The following LAMA2 variants were observed in gnomAD, a reference collection of about 807,000 sequenced individuals.
The protein encoded by LAMA2 is laminin subunit alpha 2.
In LAMA2, 269 loss-of-function variants were observed where a neutral mutation model predicts 364.8. The ratio of observed to expected loss-of-function variants is 0.74; its 90% CI spans 0.67 to 0.82. The LOEUF is 0.82. Among genes scored for constraint, LAMA2 ranks in the 40% least tolerant of loss-of-function variants. The probability of loss-of-function intolerance (pLI) is 0.00; values close to 1 mark genes in which losing one functional copy is unlikely to be tolerated. For synonymous variants in LAMA2, 1,379 were observed against 1,370.6 expected, an observed-to-expected ratio of 1.01 and a Z score of -0.14; for missense variants, 3,807 against 3,873.2, an observed-to-expected ratio of 0.98 and a Z score of 0.45.
intron 41 of LAMA2, among the ~76,000 whole-genome samples, chr6:129,429,105 T>A (rs1162389717): frequency 1.3e-5 from 2 of 152,240 alleles, no homozygotes; most frequent in East Asian, 3.8e-4. Context: ...AACTGCTTTC[T>A]TCCAGACCTT....
At chr6:128,883,445 G>T in intron 1 of LAMA2, 88 bp downstream of exon 1, 6 of 1,537,210 alleles carry the variant, frequency 3.9e-6, no homozygotes, top group Non-Finnish European at 5.2e-6. Context: ...TGCTGTCTGT[G>T]GACTGCCGTC....
At chr6:129,088,220 A>G (rs1774519253) in intron 3 of LAMA2, among the ~76,000 whole-genome samples, 1 of 151,696 alleles carries the variant, frequency 6.6e-6, no homozygotes, top group South Asian at 2.1e-4. Flanking sequence ...GAGTAAGGTC[A>G]TAGATCAACA....
intron 1 of LAMA2, among the ~76,000 whole-genome samples, chr6:128,960,177 C>G (rs554807567): frequency 7.2e-5 from 11 of 151,784 alleles, no homozygotes; most frequent in African/African-American, 2.4e-5. Flanking sequence ...TTTTTTGACC[C>G]GGGAAATTCA....
intron 28 of LAMA2, 30 bp downstream of exon 28, chr6:129,320,685 C>G: frequency 8.4e-7 from 1 of 1,184,496 alleles, no homozygotes; most frequent in Non-Finnish European, 1.3e-6. Context: ...CCTGCTTAAT[C>G]TCAAGTCACT....
At chr6:129,326,420 C>A (rs530036770) in intron 28 of LAMA2, among the ~76,000 whole-genome samples, 4 of 152,020 alleles carry the variant, frequency 2.6e-5, no homozygotes, top group Non-Finnish European at 5.9e-5. Flanking sequence ...CCTTAGGGCT[C>A]GCCTTCACAT....
intron 3 of LAMA2, among the ~76,000 whole-genome samples, chr6:129,066,042 T>G (rs138779758): frequency 0.015 from 497 of 34,002 alleles, 79 homozygotes; most frequent in South Asian, 0.033. Flanking sequence ...TCTCAGGTTT[T>G]TTTTTTTTTT....
intron 29 of LAMA2, among the ~76,000 whole-genome samples, chr6:129,335,933 C>T (rs899128334): frequency 2.0e-5 from 3 of 152,066 alleles, no homozygotes; most frequent in Non-Finnish European, 2.9e-5. Flanking sequence ...ATCTTAGAGT[C>T]GGGACAGAAT....
chr6:129,469,389 C>T (rs1317586557), intron 51 of LAMA2, among the ~76,000 whole-genome samples: 5 of 151,768 alleles, frequency 3.3e-5, no homozygotes, highest in African/African-American at 1.2e-4. Flanking sequence ...AGAATAAATC[C>T]ACCATGTGAT....
intron 4 of LAMA2, among the ~76,000 whole-genome samples, chr6:129,140,975 G>A (rs1678119030): frequency 6.6e-6 from 1 of 151,936 alleles, no homozygotes; most frequent in Admixed American, 6.6e-5. Context: ...TTCCAAAAAG[G>A]TCCTTTGTAT....
intron 1 of LAMA2, among the ~76,000 whole-genome samples, chr6:128,884,059 GC>G (rs1373357645): frequency 7.9e-5 from 12 of 151,902 alleles, no homozygotes; most frequent in African/African-American, 2.9e-4. Flanking sequence ...GTACTTTAAG[GC>G]CACAGTGACT....
At chr6:129,128,888 G>A (rs6569583) in intron 4 of LAMA2, among the ~76,000 whole-genome samples, 46,890 of 152,056 alleles carry the variant, frequency 0.31, 9,747 homozygotes, top group African/African-American at 0.6. Flanking sequence ...TTAGTCTTAA[G>A]TGAAATACAA....
chr6:129,014,316 C>A (rs193028945), intron 1 of LAMA2, among the ~76,000 whole-genome samples: 163 of 152,270 alleles, frequency 1.1e-3, no homozygotes, highest in Non-Finnish European at 2.0e-3. Context: ...GAAAAGCTGG[C>A]AAAACCTAGA....
rs530961482 is a variant in LAMA2 at position 129,129,939 on chromosome 6, A to AC, written c.640-13962_640-13961insC. On this transcript the variant is annotated intron_variant, in intron 4 of 64. Coordinates refer to ENST00000421865, the MANE Select transcript of LAMA2 (RefSeq NM_000426.4). ...ATTCCGTCTCAAAAAAAAAAAAAAA[A>AC]AAAATAACATATTTTAGAGACTCAG... is the stretch of plus-strand genomic sequence containing the variant. Among the ~76,000 whole-genome samples the AC allele has an allele frequency of 3.0e-3, 443 of 148,962 alleles. 5 individuals carry two copies. Among genetic ancestry groups the AC allele is most frequent in the Non-Finnish European group, 3.5e-3 (235 of 67,932 alleles).
chr6:129,506,081 G>A (rs562474186), intron 61 of LAMA2, among the ~76,000 whole-genome samples: 2 of 152,186 alleles, frequency 1.3e-5, no homozygotes, highest in African/African-American at 4.8e-5. Flanking sequence ...GGTTGGGCAT[G>A]GTGGCTCACA....
chr6:129,197,430 G>A (rs961570104), intron 12 of LAMA2, among the ~76,000 whole-genome samples: 4 of 152,104 alleles, frequency 2.6e-5, no homozygotes, highest in South Asian at 2.1e-4. Context: ...TTACTCTTTC[G>A]ACCAATTGCC....
intron 1 of LAMA2, among the ~76,000 whole-genome samples, chr6:128,957,124 A>G (rs1781202840): frequency 6.6e-6 from 1 of 152,148 alleles, no homozygotes; most frequent in Non-Finnish European, 1.5e-5. Context: ...TATCAAATTA[A>G]GAATGTTTTT....
intron 35 of LAMA2, among the ~76,000 whole-genome samples, chr6:129,388,274 A>C (rs976695377): frequency 6.6e-6 from 1 of 151,800 alleles, no homozygotes; most frequent in Admixed American, 6.6e-5. Flanking sequence ...AAAAACAAAA[A>C]CAAACAAACA....
intron 3 of LAMA2, among the ~76,000 whole-genome samples, chr6:129,083,834 G>A (rs774746232): frequency 1.3e-5 from 2 of 152,138 alleles, no homozygotes; most frequent in African/African-American, 2.4e-5. Flanking sequence ...TATTTAACGA[G>A]GCTTAATATG....
At chr6:128,883,386 A>C (rs1174580711) in intron 1 of LAMA2, 29 bp downstream of exon 1, 1 of 1,563,750 alleles carries the variant, frequency 6.4e-7, no homozygotes, top group Non-Finnish European at 8.7e-7. Context: ...CTTGGGTTGC[A>C]TCCTTTGCCG....
Sources: allele counts gnomAD v4.1 joint callset (sites outside exome capture counted in the v4.1 genomes callset), GRCh38; gene constraint gnomAD v4.1.1; transcripts MANE v1.5; gene names NCBI Gene and HGNC (gene_info 2026-07-23, HGNC 2026-07-21).